The following HSD17B4 variants were observed in gnomAD, a reference collection of about 807,000 sequenced individuals.
The protein encoded by HSD17B4 is peroxisomal multifunctional enzyme type 2.
HSD17B4 carries 70 observed loss-of-function variants against 101.0 expected under a neutral mutation model. The ratio of observed to expected loss-of-function variants is 0.69; its 90% CI spans 0.57 to 0.85. The LOEUF (loss-of-function observed/expected upper bound fraction) is 0.85. HSD17B4 is among the 40% of genes least tolerant of loss of function. The pLI is 0.00. For missense variants in HSD17B4, 984 were observed against 892.4 expected, an observed-to-expected ratio of 1.10 and a Z score of -1.31; for synonymous variants, 347 against 297.1, an observed-to-expected ratio of 1.17 and a Z score of -1.73.
intron 18 of HSD17B4, 128 bp downstream of exon 18, chr5:119,525,413 T>C: frequency 1.4e-6 from 1 of 701,830 alleles, no homozygotes; most frequent in East Asian, 2.7e-5. Flanking sequence ...TTTTATTTAT[T>C]ACATTTATGC....
At chr5:119,503,415 T>G (rs1035669489) in intron 14 of HSD17B4, among the ~76,000 whole-genome samples, 10 of 152,208 alleles carry the variant, frequency 6.6e-5, no homozygotes, top group African/African-American at 1.9e-4. Context: ...ATGAATTATT[T>G]TTTCTCAGCC....
At chr5:119,500,287 A>C (rs1410598382) in intron 13 of HSD17B4, among the ~76,000 whole-genome samples, 1 of 152,050 alleles carries the variant, frequency 6.6e-6, no homozygotes, top group Non-Finnish European at 1.5e-5. Context: ...TGTTCTGGAT[A>C]ATTGGGATAT....
intron 17 of HSD17B4, among the ~76,000 whole-genome samples, chr5:119,523,033 T>G (rs1224923304): frequency 7.3e-6 from 1 of 137,074 alleles, no homozygotes; most frequent in East Asian, 5.8e-4. Flanking sequence ...AAAAGTGGTG[T>G]TTATTTTGAG....
intron 16 of HSD17B4, among the ~76,000 whole-genome samples, chr5:119,509,927 T>C (rs561504818): frequency 6.6e-6 from 1 of 152,356 alleles, no homozygotes; most frequent in South Asian, 2.1e-4. Flanking sequence ...AGGGTTTTGG[T>C]TAACAGTAGG....
chr5:119,491,225 A>T (rs552238520), intron 9 of HSD17B4, among the ~76,000 whole-genome samples: 18 of 152,226 alleles, frequency 1.2e-4, no homozygotes, highest in African/African-American at 3.9e-4. Context: ...ACCACTGCTG[A>T]TTTGTCTAGT....
At chr5:119,538,370 T>C (rs1754705604) in intron 23 of HSD17B4, among the ~76,000 whole-genome samples, 1 of 152,204 alleles carries the variant, frequency 6.6e-6, no homozygotes, top group Non-Finnish European at 1.5e-5. Flanking sequence ...CTCTCACCTG[T>C]CTTACTTCTT....
intron 22 of HSD17B4, chr5:119,535,737 AT>A (rs896571191): frequency 6.6e-6 from 1 of 150,458 alleles, no homozygotes; most frequent in Non-Finnish European, 1.5e-5. Context: ...TTATCAAATA[AT>A]TCCTAAGTAT....
chr5:119,508,754 G>T (rs1751893192), intron 15 of HSD17B4, among the ~76,000 whole-genome samples: 1 of 152,140 alleles, frequency 6.6e-6, no homozygotes, highest in Non-Finnish European at 1.5e-5. Flanking sequence ...TCCTCTCCAT[G>T]CTCTTCTTGA....
intron 17 of HSD17B4, among the ~76,000 whole-genome samples, chr5:119,522,753 G>T (rs181829024): frequency 6.6e-5 from 10 of 151,934 alleles, no homozygotes; most frequent in Non-Finnish European, 1.3e-4. Flanking sequence ...TCTTCATCCA[G>T]TCTCCAAAGG....
At chr5:119,457,590 C>G (rs890978126) in intron 2 of HSD17B4, among the ~76,000 whole-genome samples, 3 of 152,198 alleles carry the variant, frequency 2.0e-5, no homozygotes, top group African/African-American at 7.2e-5. Context: ...ATATTTCAGG[C>G]CCACTTTGTC....
At chr5:119,539,009 A>T (rs928720435) in intron 23 of HSD17B4, among the ~76,000 whole-genome samples, 1 of 152,214 alleles carries the variant, frequency 6.6e-6, no homozygotes, top group Non-Finnish European at 1.5e-5. Flanking sequence ...GATTAAAGCA[A>T]ATATAGAAGG....
chr5:119,453,363 C>T (rs892895104), intron 1 of HSD17B4, among the ~76,000 whole-genome samples: 10 of 152,174 alleles, frequency 6.6e-5, no homozygotes, highest in African/African-American at 2.4e-4. Flanking sequence ...GGAAAGTTGC[C>T]TGTATTTCAG....
rs752180031 is a variant in HSD17B4 at position 119,463,703 on chromosome 5, C to T, written c.112+7335C>T. Among the ~76,000 whole-genome samples, 8 of 115,528 alleles carry T rather than the reference C, an allele frequency of 6.9e-5. 1 individual carries two copies. The South Asian group carries it at 8.7e-4, about 13-fold the overall frequency. 75.8% of individuals were successfully genotyped at this position (115,528 alleles called of 152,430 possible). ...TTTTTTTTAAGAAAGAGTGTTACTC[C>T]GTTGCCCAGGCTAGAGTGCAAGTGG... On this transcript the variant is annotated intron_variant, in intron 2 of 23. Transcript: ENST00000510025.
chr5:119,460,942 G>T (rs381703), intron 2 of HSD17B4, among the ~76,000 whole-genome samples: 49,896 of 151,714 alleles, frequency 0.33, 9,173 homozygotes, highest in East Asian at 0.82. Flanking sequence ...TGAGGCTGCA[G>T]CAGGCATGGT....
chr5:119,536,593 C>T, intron 23 of HSD17B4, 43 bp downstream of exon 23: 1 of 1,599,520 alleles, frequency 6.3e-7, no homozygotes, highest in Non-Finnish European at 8.6e-7. Context: ...TTTATTGTTT[C>T]CTCTTTTGAC....
intron 17 of HSD17B4, among the ~76,000 whole-genome samples, chr5:119,521,236 C>CT (rs1047589041): frequency 4.6e-5 from 7 of 152,114 alleles, no homozygotes; most frequent in Non-Finnish European, 1.0e-4. Context: ...TGTATGTTGC[C>CT]TTTGAAAAGT....
intron 22 of HSD17B4, among the ~76,000 whole-genome samples, chr5:119,532,421 G>A (rs1561491594): frequency 6.6e-6 from 1 of 152,040 alleles, no homozygotes. Context: ...GTTGGAATGA[G>A]TGCTAAAAGC....
chr5:119,490,038 T>A lies in HSD17B4; in HGVS notation c.714+755T>A, dbSNP rs571931203. On this transcript the variant is annotated intron_variant, in intron 9 of 23. Coordinates refer to ENST00000510025, the MANE Select transcript of HSD17B4 (RefSeq NM_000414.4). ...TTGTATATTAGACCCCCCCCCATTT[T>A]AAATTATCTGTGGTAATAATGAACC... Among the ~76,000 whole-genome samples the A allele has an allele frequency of 4.6e-5, 7 of 152,182 alleles. No individual in the cohort carries two copies. The East Asian group carries it at 1.2e-3, about 25-fold the overall frequency.
At chr5:119,473,386 A>G (rs1007016602) in intron 2 of HSD17B4, among the ~76,000 whole-genome samples, 1 of 132,470 alleles carries the variant, frequency 7.5e-6, no homozygotes, top group African/African-American at 2.9e-5. Flanking sequence ...TGGCATGATC[A>G]TAGCTCACTG....
Sources: allele counts gnomAD v4.1 joint callset (sites outside exome capture counted in the v4.1 genomes callset), GRCh38; gene constraint gnomAD v4.1.1; transcripts MANE v1.5; gene names NCBI Gene and HGNC (gene_info 2026-07-23, HGNC 2026-07-21).